The following RCAN2 variants were observed in gnomAD, a reference collection of about 807,000 sequenced individuals.
The protein encoded by RCAN2 is regulator of calcineurin 2.
RCAN2 carries 9 observed loss-of-function variants against 23.6 expected under a neutral mutation model. The ratio of observed to expected loss-of-function variants is 0.38; its 90% confidence interval spans 0.23 to 0.67. The LOEUF (loss-of-function observed/expected upper bound fraction) is 0.67, where lower values mean the gene tolerates loss of function less well. Ranked by LOEUF, RCAN2 falls within the 30% of genes least tolerant of loss-of-function variation. RCAN2 has a pLI of 0.51. For synonymous variants in RCAN2, 109 were observed against 115.7 expected, an observed-to-expected ratio of 0.94 and a Z score of 0.37; for missense variants, 273 against 302.3, an observed-to-expected ratio of 0.90 and a Z score of 0.72.
Position 46,354,897 on chromosome 6 carries a change from A to ATGTGTGTGTGTG in RCAN2, c.225+101843_225+101854dup, listed in dbSNP as rs6149559. 6.8e-4 allele frequency among the ~76,000 whole-genome samples: 98 copies of ATGTGTGTGTGTG among 144,736 alleles called. 1 individual carries two copies. Among genetic ancestry groups the ATGTGTGTGTGTG allele is most frequent in the Non-Finnish European group, 1.0e-3 (66 of 65,874 alleles). The allele number at this position is 144,736 out of a possible 152,430, so 95.0% of individuals were successfully genotyped here. ...AGACTTCTCAGGAAAAAGATTATAT[A>ATGTGTGTGTGTG]TGTGTGTGTGTGTGTGTGTGTGTGT... On this transcript the variant is annotated intron_variant, in intron 2 of 4. Transcript: ENST00000371374.
At chr6:46,344,346 C>T (rs573566885) in intron 2 of RCAN2, among the ~76,000 whole-genome samples, 2 of 152,002 alleles carry the variant, frequency 1.3e-5, no homozygotes, top group South Asian at 4.2e-4. Flanking sequence ...AAAAAGTATT[C>T]TTTACTGAAG....
intron 4 of RCAN2, among the ~76,000 whole-genome samples, chr6:46,227,969 G>A (rs1286710318): frequency 6.6e-6 from 1 of 152,162 alleles, no homozygotes; most frequent in African/African-American, 2.4e-5. Flanking sequence ...ATTCTGGTAT[G>A]TTGTGTCTTT....
At chr6:46,295,216 G>A (rs1189984443) in intron 2 of RCAN2, among the ~76,000 whole-genome samples, 1 of 152,162 alleles carries the variant, frequency 6.6e-6, no homozygotes, top group African/African-American at 2.4e-5. Flanking sequence ...TTGGGAATAT[G>A]CAAGTGGAGA....
chr6:46,461,535 T>C (rs1392488133), intron 1 of RCAN2, among the ~76,000 whole-genome samples: 1 of 151,944 alleles, frequency 6.6e-6, no homozygotes, highest in Non-Finnish European at 1.5e-5. Context: ...TTCATGCCAG[T>C]CTCAAGCTGT....
chr6:46,276,912 A>G (rs1259729563), intron 2 of RCAN2, among the ~76,000 whole-genome samples: 1 of 152,224 alleles, frequency 6.6e-6, no homozygotes, highest in African/African-American at 2.4e-5. Context: ...GGCAGCCTCC[A>G]AACAGATGCC....
intron 1 of RCAN2, among the ~76,000 whole-genome samples, chr6:46,468,607 TGAC>T (rs772817290): frequency 1.8e-4 from 27 of 152,242 alleles, no homozygotes; most frequent in Non-Finnish European, 3.5e-4. Flanking sequence ...ACCCATTTAT[TGAC>T]GTTTTTACAT....
rs1245932408 is a variant in RCAN2, at chr6:46,356,948, G to T, written c.225+99804C>A. 2.0e-5 allele frequency among the ~76,000 whole-genome samples: 3 copies of T among 152,180 alleles called. No individual in the cohort carries two copies. In the East Asian group the frequency reaches 5.8e-4, roughly 29 times the overall value. The stretch of plus-strand genomic sequence containing the variant: ...ATCATTAAGTAGAGAGAATATTCTG[G>T]TCTTCCCAATATTTACTTTCTGAAG... On this transcript the variant is annotated intron_variant, in intron 2 of 4. Coordinates refer to ENST00000371374, the MANE Select transcript of RCAN2 (RefSeq NM_001251974.2).
chr6:46,369,218 A>T (rs900894268), intron 2 of RCAN2, among the ~76,000 whole-genome samples: 2 of 152,154 alleles, frequency 1.3e-5, no homozygotes, highest in Non-Finnish European at 2.9e-5. Context: ...AGTAAGAGAC[A>T]TGGCACTGTC....
chr6:46,386,773 T>G (rs1394080136), intron 2 of RCAN2, among the ~76,000 whole-genome samples: 1 of 152,018 alleles, frequency 6.6e-6, no homozygotes, highest in Non-Finnish European at 1.5e-5. Flanking sequence ...TATGGAACCA[T>G]AAAAGAGCCC....
At chr6:46,337,938 C>T (rs889723624) in intron 2 of RCAN2, among the ~76,000 whole-genome samples, 1 of 152,122 alleles carries the variant, frequency 6.6e-6, no homozygotes, top group Non-Finnish European at 1.5e-5. Context: ...TTTAGACTCA[C>T]CCCTAGAGTG....
chr6:46,447,564 C>T (rs139594609), intron 2 of RCAN2, among the ~76,000 whole-genome samples: 3 of 152,006 alleles, frequency 2.0e-5, no homozygotes, highest in Non-Finnish European at 2.9e-5. Context: ...TTCAAGTGTA[C>T]ACATAATATT....
At chr6:46,255,724 G>A (rs1488513558) in intron 2 of RCAN2, among the ~76,000 whole-genome samples, 1 of 152,112 alleles carries the variant, frequency 6.6e-6, no homozygotes, top group Non-Finnish European at 1.5e-5. Flanking sequence ...TAAGCTGCGT[G>A]AGAAACAGGA....
chr6:46,345,825 A>G (rs1764466529), intron 2 of RCAN2, among the ~76,000 whole-genome samples: 1 of 152,150 alleles, frequency 6.6e-6, no homozygotes. Flanking sequence ...ATACAAATCA[A>G]TGTTACTTTT....
intron 2 of RCAN2, among the ~76,000 whole-genome samples, chr6:46,373,358 A>C (rs1412559348): frequency 6.6e-6 from 1 of 152,058 alleles, no homozygotes; most frequent in Non-Finnish European, 1.5e-5. Flanking sequence ...TCCACCGCCC[A>C]GGTTCCAGTG....
intron 2 of RCAN2, among the ~76,000 whole-genome samples, chr6:46,371,032 G>A (rs950535239): frequency 2.0e-5 from 3 of 152,166 alleles, no homozygotes; most frequent in Non-Finnish European, 4.4e-5. Flanking sequence ...GGAGTAGAAG[G>A]GGACAGTGCA....
chr6:46,360,522 A>G (rs1764975082), intron 2 of RCAN2, among the ~76,000 whole-genome samples: 1 of 135,240 alleles, frequency 7.4e-6, no homozygotes, highest in Non-Finnish European at 1.6e-5. Context: ...CGACAGAGCA[A>G]GACTCCGTCT....
intron 4 of RCAN2, among the ~76,000 whole-genome samples, chr6:46,233,144 C>T (rs187638432): frequency 1.3e-5 from 2 of 152,064 alleles, no homozygotes; most frequent in Admixed American, 6.6e-5. Flanking sequence ...CACCAGCTCC[C>T]GTTCATCTTT....
At chr6:46,300,251 T>C (rs979831245) in intron 2 of RCAN2, among the ~76,000 whole-genome samples, 6 of 151,880 alleles carry the variant, frequency 4.0e-5, no homozygotes, top group Non-Finnish European at 5.9e-5. Context: ...AACAAGTAAA[T>C]TGAAAGACAA....
At chr6:46,473,615 T>A (rs68030239) in intron 1 of RCAN2, among the ~76,000 whole-genome samples, 8,163 of 152,272 alleles carry the variant, frequency 0.054, 355 homozygotes, top group African/African-American at 0.11. Context: ...AGTGGGTTTA[T>A]AACCTCAGTA....
Sources: allele counts gnomAD v4.1 joint callset (sites outside exome capture counted in the v4.1 genomes callset), GRCh38; gene constraint gnomAD v4.1.1; transcripts MANE v1.5; gene names NCBI Gene and HGNC (gene_info 2026-07-23, HGNC 2026-07-21).